The following SLC24A2 variants were observed in gnomAD, a reference collection of about 807,000 sequenced individuals.
SLC24A2 encodes the protein sodium/potassium/calcium exchanger 2.
A neutral mutation model predicts 62.0 loss-of-function variants in SLC24A2; 36 were observed. That is an observed-to-expected ratio of 0.58 (90% CI 0.44 to 0.77). The LOEUF is 0.77. Ranked by LOEUF, SLC24A2 falls within the 30% of genes least tolerant of loss-of-function variation. SLC24A2 has a pLI of 0.00. For synonymous variants in SLC24A2, 358 were observed against 294.0 expected, an observed-to-expected ratio of 1.22 and a Z score of -2.23; for missense variants, 846 against 817.9, an observed-to-expected ratio of 1.03 and a Z score of -0.42.
At chr9:19,934,811 G>C in the SLC24A2 span, among the ~76,000 whole-genome samples, 3 of 152,124 alleles carry the variant, frequency 2.0e-5, no homozygotes, top group Non-Finnish European at 4.4e-5. The surrounding 1 kb of genome is among the most constrained non-coding windows in gnomAD (Gnocchi z 4.1). Context: ...TGGCGGGGAG[G>C]GCAAGCGTGG....
the SLC24A2 span, among the ~76,000 whole-genome samples, chr9:20,266,925 T>G: frequency 2.0e-5 from 3 of 151,838 alleles, no homozygotes; most frequent in Non-Finnish European, 4.4e-5. Context: ...AAAACTAAAT[T>G]AAAATAATCA....
the SLC24A2 span, among the ~76,000 whole-genome samples, chr9:20,014,470 C>G: frequency 1.4e-5 from 2 of 145,892 alleles, no homozygotes; most frequent in Non-Finnish European, 3.0e-5. Context: ...AGATATGGAA[C>G]AGATGAATGG....
intron 2 of SLC24A2, among the ~76,000 whole-genome samples, chr9:19,687,316 T>C (rs1819912018): frequency 6.6e-6 from 1 of 152,122 alleles, no homozygotes; most frequent in African/African-American, 2.4e-5. Context: ...TTCACTGTGT[T>C]TGGGGTATGT....
the SLC24A2 span, among the ~76,000 whole-genome samples, chr9:19,822,263 C>T: frequency 6.6e-6 from 1 of 152,230 alleles, no homozygotes; most frequent in Non-Finnish European, 1.5e-5. Flanking sequence ...GAATGTTATC[C>T]ATGCCAATCA....
At chr9:19,535,110 T>G (rs955742668) in intron 8 of SLC24A2, among the ~76,000 whole-genome samples, 1 of 152,224 alleles carries the variant, frequency 6.6e-6, no homozygotes, top group African/African-American at 2.4e-5. Flanking sequence ...TAATGACCAG[T>G]GATGATGAGC....
the SLC24A2 span, among the ~76,000 whole-genome samples, chr9:19,799,353 T>G: frequency 1.9e-3 from 290 of 152,342 alleles, no homozygotes; most frequent in African/African-American, 6.4e-3. Flanking sequence ...TTCTTCTGTA[T>G]ATTATTTATC....
chr9:19,775,645 G>C (rs73646165), intron 2 of SLC24A2, among the ~76,000 whole-genome samples: 2 of 144,818 alleles, frequency 1.4e-5, no homozygotes, highest in African/African-American at 4.9e-5. Flanking sequence ...TCATGGCTCT[G>C]AAATGCTAAA....
chr9:19,756,042 GAGGGCC>G (rs1822130882), intron 2 of SLC24A2, among the ~76,000 whole-genome samples: 1 of 152,156 alleles, frequency 6.6e-6, no homozygotes, highest in Non-Finnish European at 1.5e-5. Flanking sequence ...CCACTGGGCT[GAGGGCC>G]AGGTTCCTGA....
chr9:19,569,081 G>GT (rs991583719), intron 7 of SLC24A2, among the ~76,000 whole-genome samples: 7 of 152,038 alleles, frequency 4.6e-5, no homozygotes, highest in Admixed American at 1.3e-4. Context: ...CTTTCTTTCT[G>GT]TTTTTTAAGA....
chr9:19,628,738 C>A (rs559461628), intron 2 of SLC24A2, among the ~76,000 whole-genome samples: 1 of 152,146 alleles, frequency 6.6e-6, no homozygotes, highest in East Asian at 1.9e-4. Context: ...GGTGTCCAAC[C>A]TTTTGGCTTC....
chr9:20,247,493 T>G, the SLC24A2 span, among the ~76,000 whole-genome samples: 3 of 152,236 alleles, frequency 2.0e-5, no homozygotes, highest in Admixed American at 2.0e-4. Context: ...AGTGCCCTTA[T>G]AATAGAGAGT....
intron 4 of SLC24A2, among the ~76,000 whole-genome samples, chr9:19,605,377 G>A (rs1487178494): frequency 2.0e-5 from 3 of 152,104 alleles, no homozygotes; most frequent in Non-Finnish European, 4.4e-5. Context: ...ATGAAATCTG[G>A]CCTTTTGGAA....
chr9:19,541,829 C>G (rs1027998744), intron 8 of SLC24A2, among the ~76,000 whole-genome samples: 23 of 150,882 alleles, frequency 1.5e-4, no homozygotes, highest in African/African-American at 5.1e-4. Flanking sequence ...GCAGTTTGAT[C>G]TCAGACTGCT....
the SLC24A2 span, among the ~76,000 whole-genome samples, chr9:19,936,473 C>T: frequency 2.6e-5 from 4 of 152,078 alleles, no homozygotes; most frequent in African/African-American, 9.7e-5. Context: ...GAGGATTCAT[C>T]ATGTTGCCCA....
chr9:20,129,928 TACACACACACACAC>T, the SLC24A2 span, among the ~76,000 whole-genome samples: 713 of 141,902 alleles, frequency 5.0e-3, 6 homozygotes, highest in Middle Eastern at 0.021. Context: ...TATAATTTAC[TACACACACACACAC>T]ACACACACAC....
chr9:19,826,257 T>G, the SLC24A2 span, among the ~76,000 whole-genome samples: 1 of 151,576 alleles, frequency 6.6e-6, no homozygotes, highest in Non-Finnish European at 1.5e-5. Context: ...AAAAGATGTT[T>G]TCTGGATACA....
the SLC24A2 span, among the ~76,000 whole-genome samples, chr9:19,867,859 G>C: frequency 6.6e-6 from 1 of 152,136 alleles, no homozygotes; most frequent in Non-Finnish European, 1.5e-5. Context: ...AGTGAGCCAA[G>C]ATTGCCCCAC....
At chr9:20,054,498 T>A in the SLC24A2 span, among the ~76,000 whole-genome samples, 12 of 152,156 alleles carry the variant, frequency 7.9e-5, no homozygotes, top group South Asian at 2.3e-3. Context: ...GGTCATTTAG[T>A]GGTGATTTCT....
intron 7 of SLC24A2, among the ~76,000 whole-genome samples, chr9:19,552,313 G>T (rs374080113): frequency 2.0e-5 from 3 of 152,144 alleles, no homozygotes. Context: ...AGCTAGCTAC[G>T]TGAATAATCT....
Sources: allele counts gnomAD v4.1 joint callset (sites outside exome capture counted in the v4.1 genomes callset), GRCh38; gene constraint gnomAD v4.1.1; non-coding constraint Gnocchi (gnomAD v3.1); transcripts MANE v1.5; gene names NCBI Gene and HGNC (gene_info 2026-07-23, HGNC 2026-07-21).